VPS41: variants seen among roughly 807,000 people sequenced by gnomAD.
VPS41 encodes the protein VPS41 subunit of HOPS complex, also known as vacuolar protein sorting-associated protein 41 homolog.
In VPS41, 85 loss-of-function variants were observed where a neutral mutation model predicts 130.9. That is an observed-to-expected ratio of 0.65 (90% CI 0.55 to 0.78). VPS41 has a LOEUF of 0.78. VPS41 is among the 30% of genes least tolerant of loss of function. The pLI is 0.00. For missense variants in VPS41, 874 were observed against 1,018.7 expected, an observed-to-expected ratio of 0.86 and a Z score of 1.93; for synonymous variants, 335 against 332.9, an observed-to-expected ratio of 1.01 and a Z score of -0.07.
intron 4 of VPS41, among the ~76,000 whole-genome samples, chr7:38,840,426 T>C (rs1475894450): frequency 2.0e-5 from 3 of 152,118 alleles, no homozygotes; most frequent in Non-Finnish European, 4.4e-5. Flanking sequence ...GTTACTACAA[T>C]ATGCTTCCCC....
chr7:38,780,189 T>G (rs1308432219), intron 10 of VPS41, among the ~76,000 whole-genome samples: 7 of 31,370 alleles, frequency 2.2e-4, no homozygotes, highest in African/African-American at 1.0e-3. Flanking sequence ...TGGTTTTTGT[T>G]TTTTTTTTTT....
At chr7:38,890,550 A>T (rs1348058677) in intron 2 of VPS41, among the ~76,000 whole-genome samples, 1 of 152,240 alleles carries the variant, frequency 6.6e-6, no homozygotes, top group Non-Finnish European at 1.5e-5. Flanking sequence ...AATGCATGTA[A>T]TACGGGTGAA....
intron 25 of VPS41, among the ~76,000 whole-genome samples, chr7:38,739,894 A>AT (rs1795849593): frequency 6.6e-6 from 1 of 152,260 alleles, no homozygotes; most frequent in Non-Finnish European, 1.5e-5. Flanking sequence ...TAGCTTCTTT[A>AT]GTAGATATTT....
intron 7 of VPS41, among the ~76,000 whole-genome samples, chr7:38,803,195 T>A (rs1584403479): frequency 6.6e-6 from 1 of 152,234 alleles, no homozygotes; most frequent in African/African-American, 2.4e-5. Context: ...AAGATTCTTA[T>A]CAGGCTGTAA....
intron 5 of VPS41, among the ~76,000 whole-genome samples, chr7:38,829,843 A>G (rs1369237720): frequency 6.6e-6 from 1 of 152,256 alleles, no homozygotes; most frequent in Non-Finnish European, 1.5e-5. Context: ...AGAAACATTC[A>G]TAACTTGTGT....
chr7:38,858,739 T>C (rs922946501), intron 4 of VPS41, among the ~76,000 whole-genome samples: 3 of 152,234 alleles, frequency 2.0e-5, no homozygotes, highest in Non-Finnish European at 4.4e-5. Context: ...CCTAGTCAGC[T>C]GCCACTCATA....
Position 38,796,772 on chromosome 7 carries a change from G to T in VPS41, c.543C>A (p.Gly181=). ...TATTATTGGCCCAAGCAATCAGATG[G>T]CCTCTCCACTTCACACTCCTTATGT... ...EGNIRSVKWR[G]HLIAWANNMG... The change falls in exon 8 of 29, where the codon GGC becomes GGA. Residue 181 remains glycine (G), a synonymous_variant. Coordinates refer to ENST00000310301, the MANE Select transcript of VPS41 (RefSeq NM_014396.4). 1.9e-6 allele frequency: 3 copies of T among 1,613,752 alleles called. No individual in the cohort carries two copies. The highest frequency in any genetic ancestry group is 2.5e-6 in the Non-Finnish European group (3 of 1,179,810).
At chr7:38,757,048 T>G in intron 18 of VPS41, 66 bp from the exon 19 acceptor site, 1 of 1,261,078 alleles carries the variant, frequency 7.9e-7, no homozygotes, top group East Asian at 2.4e-5. Context: ...CACAGAGAGA[T>G]CATGGTTCAC....
At chr7:38,790,755 A>G (rs559609551) in intron 9 of VPS41, among the ~76,000 whole-genome samples, 35 of 152,348 alleles carry the variant, frequency 2.3e-4, no homozygotes, top group Non-Finnish European at 2.8e-4. Flanking sequence ...CCTGGAACCA[A>G]TTCCCCACAG....
At chr7:38,884,463 C>T (rs1458838752) in intron 2 of VPS41, among the ~76,000 whole-genome samples, 1 of 152,176 alleles carries the variant, frequency 6.6e-6, no homozygotes, top group Non-Finnish European at 1.5e-5. Context: ...GTTTAGGAGG[C>T]ATGCTTATTT....
rs1249699535 is a variant in VPS41 at position 38,732,482 on chromosome 7, A to C, written c.2260-3691T>G. On this transcript the variant is annotated intron_variant, in intron 25 of 28. Coordinates refer to ENST00000310301, the MANE Select transcript of VPS41 (RefSeq NM_014396.4). The stretch of plus-strand genomic sequence containing the variant: ...TCTTACTCTTAATTTTTATGTTAAG[A>C]GTTAGGACCAGTTTATTAATTTCCA... Among the ~76,000 whole-genome samples, 3 of 152,164 alleles carry C rather than the reference A, an allele frequency of 2.0e-5. No individual in the cohort carries two copies. The South Asian group carries it at 6.2e-4, about 32-fold the overall frequency.
chr7:38,767,555 T>C lies in VPS41; in HGVS notation c.1229A>G (p.Asp410Gly). Residue 410 changes from aspartate to glycine, a missense_variant, in exon 15 of 29, where the codon GAC becomes GGC. Coordinates refer to ENST00000310301, the MANE Select transcript of VPS41 (RefSeq NM_014396.4). ...TCATTACCGTGCTGCTATGTCATAG[T>C]CTCCTCTCTCCACCAGGTGATTTAT... ...AYINHLVERG[D>G]YDIAARKCQK... 1 of 1,608,994 alleles carries C rather than the reference T, an allele frequency of 6.2e-7. No homozygotes were observed. The highest frequency in any genetic ancestry group is 8.5e-7 in the Non-Finnish European group (1 of 1,176,726).
chr7:38,726,572 A>T (rs1795548842), intron 28 of VPS41, among the ~76,000 whole-genome samples: 1 of 152,210 alleles, frequency 6.6e-6, no homozygotes, highest in Admixed American at 6.5e-5. Context: ...CACTAAAAAA[A>T]TGATAGCATC....
At chr7:38,749,337 GCAAAGGAAGACAAC>G (rs1308077724) in intron 22 of VPS41, among the ~76,000 whole-genome samples, 1 of 152,108 alleles carries the variant, frequency 6.6e-6, no homozygotes, top group Non-Finnish European at 1.5e-5. Flanking sequence ...CCAATTGTTG[GCAAAGGAAGACAAC>G]CAAAGGAAAG....
chr7:38,786,869 CA>C (rs1784447724), intron 10 of VPS41, among the ~76,000 whole-genome samples: 1 of 152,052 alleles, frequency 6.6e-6, no homozygotes, highest in Non-Finnish European at 1.5e-5. Flanking sequence ...ATAGCTGAAT[CA>C]AAATGGTAAC....
chr7:38,873,559 C>G (rs1786421355), intron 2 of VPS41, among the ~76,000 whole-genome samples: 1 of 152,116 alleles, frequency 6.6e-6, no homozygotes, highest in South Asian at 2.1e-4. Flanking sequence ...TACAAACCTA[C>G]AAATAAAACC....
chr7:38,839,189 C>T (rs962212353), intron 4 of VPS41, among the ~76,000 whole-genome samples: 5 of 152,192 alleles, frequency 3.3e-5, no homozygotes, highest in Admixed American at 2.6e-4. Flanking sequence ...ACTTACACTC[C>T]ATGTGTGAAA....
At chr7:38,797,317 AAAT>A (rs1250586126) in intron 7 of VPS41, among the ~76,000 whole-genome samples, 2 of 152,242 alleles carry the variant, frequency 1.3e-5, no homozygotes, top group Non-Finnish European at 2.9e-5. Context: ...CATTTGACTC[AAAT>A]AATTGAACAA....
intron 4 of VPS41, among the ~76,000 whole-genome samples, chr7:38,850,586 C>T (rs111834089): frequency 1.3e-5 from 2 of 152,172 alleles, no homozygotes; most frequent in African/African-American, 4.8e-5. Context: ...AAAAGCAAAT[C>T]GTAGTATTTC....
Sources: gnomAD v4.1 joint callset for allele counts (sites outside exome capture counted in the v4.1 genomes callset) on GRCh38, gnomAD v4.1.1 for gene constraint, MANE v1.5 for transcripts, NCBI Gene and HGNC (gene_info 2026-07-23, HGNC 2026-07-21) for gene names.